Variants in GRIN2B observed in about 807,000 individuals in gnomAD.
GRIN2B encodes the protein glutamate receptor ionotropic, NMDA 2B.
Under a neutral mutation model 114.5 loss-of-function variants are expected in GRIN2B, and 5 were observed. The ratio of observed to expected loss-of-function variants is 0.04; its 90% CI spans 0.02 to 0.09. The LOEUF (loss-of-function observed/expected upper bound fraction) is 0.09, where lower values mean the gene tolerates loss of function less well. GRIN2B is among the 10% of genes least tolerant of loss of function. GRIN2B has a pLI of 1.00. For missense variants in GRIN2B, 1,108 were observed against 1,943.5 expected (o/e 0.57, Z 8.08); for synonymous variants, 787 against 745.1 (o/e 1.06, Z -0.92).
At chr12:13,927,670 G>A (rs1341213688) in intron 2 of GRIN2B, among the ~76,000 whole-genome samples, 1 of 151,964 alleles carries the variant, frequency 6.6e-6, no homozygotes, top group Non-Finnish European at 1.5e-5. Context: ...CAGAGAGGGT[G>A]CAGCCATATG....
At chr12:13,608,256 G>A (rs772020645) in intron 10 of GRIN2B, among the ~76,000 whole-genome samples, 5 of 152,170 alleles carry the variant, frequency 3.3e-5, no homozygotes, top group East Asian at 1.9e-4. Flanking sequence ...GTGGGTACAC[G>A]GCGGCGGTCC....
chr12:13,682,553 G>T (rs1265440374), intron 4 of GRIN2B, among the ~76,000 whole-genome samples: 1 of 152,106 alleles, frequency 6.6e-6, no homozygotes, highest in Non-Finnish European at 1.5e-5. Flanking sequence ...GTTCAAGTTT[G>T]GGCTAGTTCA....
chr12:13,647,954 A>G (rs575213043), intron 5 of GRIN2B, among the ~76,000 whole-genome samples: 9 of 152,132 alleles, frequency 5.9e-5, no homozygotes, highest in Non-Finnish European at 1.3e-4. Flanking sequence ...TTGACGAGTC[A>G]GAGAGCATTG....
At chr12:13,628,192 G>T (rs1452096634) in intron 5 of GRIN2B, among the ~76,000 whole-genome samples, 1 of 152,196 alleles carries the variant, frequency 6.6e-6, no homozygotes, top group Non-Finnish European at 1.5e-5. Flanking sequence ...GCAGTTCTGT[G>T]TGCCTTGGGC....
At chr12:13,839,402 G>C (rs1865341501) in intron 3 of GRIN2B, among the ~76,000 whole-genome samples, 1 of 152,214 alleles carries the variant, frequency 6.6e-6, no homozygotes. Context: ...AAATTTGAAA[G>C]TGGTTCAATC....
chr12:13,609,435 C>T (rs1280061460), intron 9 of GRIN2B, among the ~76,000 whole-genome samples: 4 of 152,232 alleles, frequency 2.6e-5, no homozygotes, highest in Non-Finnish European at 5.9e-5. Flanking sequence ...TACTCCGATG[C>T]CAACACTTCC....
chr12:13,879,277 A>C (rs1229057091), intron 2 of GRIN2B, among the ~76,000 whole-genome samples: 2 of 152,140 alleles, frequency 1.3e-5, no homozygotes, highest in African/African-American at 4.8e-5. Flanking sequence ...TCTGTACAGC[A>C]TGTTACTGTA....
chr12:13,609,569 C>G (rs535215602), intron 9 of GRIN2B, among the ~76,000 whole-genome samples: 1 of 152,026 alleles, frequency 6.6e-6, no homozygotes, highest in Non-Finnish European at 1.5e-5. Flanking sequence ...GTCAGGAGAT[C>G]GAGACCATCC....
intron 4 of GRIN2B, among the ~76,000 whole-genome samples, 188 bp from the exon 5 acceptor site, chr12:13,676,047 T>C (rs994809332): frequency 6.6e-6 from 1 of 152,112 alleles, no homozygotes; most frequent in Non-Finnish European, 1.5e-5. Flanking sequence ...AGTTTTCACA[T>C]AGTAGGAATC....
At chr12:13,712,049 T>C (rs1213998058) in intron 4 of GRIN2B, among the ~76,000 whole-genome samples, 2 of 152,068 alleles carry the variant, frequency 1.3e-5, no homozygotes, top group Non-Finnish European at 2.9e-5. Context: ...TATGCAGCCA[T>C]AAAAAATGAT....
intron 3 of GRIN2B, among the ~76,000 whole-genome samples, chr12:13,776,736 A>G (rs1864010934): frequency 6.6e-6 from 1 of 152,166 alleles, no homozygotes; most frequent in African/African-American, 2.4e-5. Flanking sequence ...AAAACCTTTC[A>G]GATAAAAAGA....
At chr12:13,802,757 C>T (rs1445176954) in intron 3 of GRIN2B, among the ~76,000 whole-genome samples, 1 of 152,038 alleles carries the variant, frequency 6.6e-6, no homozygotes, top group Non-Finnish European at 1.5e-5. Context: ...TTATATATTG[C>T]ACATTGAGAG....
chr12:13,601,454 T>C (rs1336749889), intron 10 of GRIN2B, among the ~76,000 whole-genome samples: 1 of 152,196 alleles, frequency 6.6e-6, no homozygotes, highest in East Asian at 1.9e-4. Context: ...TTGGATTTAG[T>C]GTCTACCTGG....
chr12:13,732,202 T>C, intron 4 of GRIN2B, among the ~76,000 whole-genome samples: 1 of 151,872 alleles, frequency 6.6e-6, no homozygotes, highest in Non-Finnish European at 1.5e-5. Context: ...AGAAAATAAA[T>C]GACTTAATTA....
At chr12:13,637,768 C>CT (rs1430481696) in intron 5 of GRIN2B, among the ~76,000 whole-genome samples, 4 of 152,176 alleles carry the variant, frequency 2.6e-5, no homozygotes, top group African/African-American at 9.6e-5. Flanking sequence ...GAAACTGCAT[C>CT]TATTAAGAAA....
chr12:13,743,177 T>C (rs1313237844), intron 4 of GRIN2B, among the ~76,000 whole-genome samples: 1 of 152,178 alleles, frequency 6.6e-6, no homozygotes, highest in Non-Finnish European at 1.5e-5. Context: ...GTAAACGTGC[T>C]TTGAGCGACA....
At chr12:13,616,787 T>C (rs1352493327) in intron 5 of GRIN2B, 130 bp from the exon 6 acceptor site, 5 of 746,462 alleles carry the variant, frequency 6.7e-6, no homozygotes, top group African/African-American at 5.2e-5. Flanking sequence ...TTGTACATAC[T>C]AGAGATAGGA....
intron 3 of GRIN2B, among the ~76,000 whole-genome samples, chr12:13,796,808 C>A (rs1864425256): frequency 6.6e-6 from 1 of 152,048 alleles, no homozygotes; most frequent in African/African-American, 2.4e-5. Flanking sequence ...GAAATTGAGA[C>A]CTAAAGAAAT....
chr12:13,572,063 G>A (rs1948715947), intron 10 of GRIN2B, 99 bp from the exon 11 acceptor site: 1 of 948,756 alleles, frequency 1.1e-6, no homozygotes, highest in African/African-American at 1.6e-5. Context: ...AAGTAAGTTA[G>A]CATTAGTGGA....
Sources: gnomAD v4.1 joint callset for allele counts (sites outside exome capture counted in the v4.1 genomes callset) on GRCh38, gnomAD v4.1.1 for gene constraint, MANE v1.5 for transcripts, NCBI Gene and HGNC (gene_info 2026-07-23, HGNC 2026-07-21) for gene names.